ABCE1: variants seen among roughly 807,000 people sequenced by gnomAD.
ABCE1 encodes ATP binding cassette subfamily E member 1, also known as ATP-binding cassette sub-family E member 1.
A neutral mutation model predicts 83.4 loss-of-function variants in ABCE1; 22 were observed. The ratio of observed to expected loss-of-function variants is 0.26; its 90% CI spans 0.19 to 0.38. ABCE1 has a LOEUF of 0.38. ABCE1 is among the 10% of genes least tolerant of loss of function. ABCE1 has a pLI of 1.00. For synonymous variants in ABCE1, 204 were observed against 233.7 expected (o/e 0.87, Z 1.16); for missense variants, 330 against 721.9 (o/e 0.46, Z 6.22).
At chr4:145,116,519 G>A (rs1404350769) in intron 9 of ABCE1, among the ~76,000 whole-genome samples, 1 of 151,894 alleles carries the variant, frequency 6.6e-6, no homozygotes, top group Non-Finnish European at 1.5e-5. Flanking sequence ...ATTTGTGTAG[G>A]AAGCTGATAC....
chr4:145,103,582 A>G (rs902377814), intron 1 of ABCE1, among the ~76,000 whole-genome samples: 2 of 152,226 alleles, frequency 1.3e-5, no homozygotes, highest in African/African-American at 4.8e-5. Context: ...CATTGCTATT[A>G]TGATTATTTG....
intron 1 of ABCE1, among the ~76,000 whole-genome samples, chr4:145,103,271 T>C (rs563379690): frequency 2.0e-5 from 3 of 152,296 alleles, no homozygotes; most frequent in African/African-American, 7.2e-5. Context: ...AAATCAAGAT[T>C]GATTATCACA....
In ABCE1 at chr4:145,108,130, G is replaced by A; in HGVS notation, c.287+18G>A. On this transcript the variant is annotated intron_variant, in intron 4 of 17. Transcript: ENST00000296577. ...CTTCACAGGTATATTTTCACATCAG[G>A]ATTCCTCTTCTGTCAAGTTAAGAGT... 1 of 1,599,790 alleles carries A rather than the reference G, an allele frequency of 6.3e-7. No individual in the cohort carries two copies. Among genetic ancestry groups the A allele is most frequent in the Non-Finnish European group, 8.6e-7 (1 of 1,168,242 alleles).
chr4:145,113,749 A>G (rs769348072), intron 9 of ABCE1, among the ~76,000 whole-genome samples: 13 of 152,172 alleles, frequency 8.5e-5, no homozygotes, highest in Non-Finnish European at 1.3e-4. Flanking sequence ...CAATAGGTAG[A>G]TGTTCAGAAA....
At chr4:145,110,472 A>G (rs750420672) in intron 7 of ABCE1, 28 bp downstream of exon 7, 2 of 1,592,450 alleles carry the variant, frequency 1.3e-6, no homozygotes, top group African/African-American at 1.3e-5. Context: ...GTTTGTGTGA[A>G]TATATATTTA....
rs769944412 is a variant in ABCE1 at position 145,120,141 on chromosome 4, C to A, written c.1132C>A (p.Leu378Met). The A allele has an allele frequency of 6.2e-7, 1 of 1,601,664 alleles. No individual in the cohort carries two copies. Among genetic ancestry groups the A allele is most frequent in the South Asian group, 1.1e-5 (1 of 87,838 alleles). The change falls in exon 11 of 18, where the codon CTG (leucine) becomes ATG (methionine). Residue 378 changes from leucine (L) to methionine (M), a missense_variant. Coordinates refer to ENST00000296577, the MANE Select transcript of ABCE1 (RefSeq NM_002940.3). ...TACAGATTCTGAAATTATGGTGATG[C>A]TGGGGGAAAATGGTAAGTTTTCTGT... Reference protein sequence around the residue: ...EFTDSEIMVMLGENGTGKTTF... With the variant: ...EFTDSEIMVMMGENGTGKTTF...
At chr4:145,107,472 T>C (rs887368121) in intron 3 of ABCE1, among the ~76,000 whole-genome samples, 1 of 152,172 alleles carries the variant, frequency 6.6e-6, no homozygotes, top group Non-Finnish European at 1.5e-5. Context: ...CCTCATCTAA[T>C]ATGTTTTAAC....
At chr4:145,109,875 A>G (rs571999003) in intron 5 of ABCE1, among the ~76,000 whole-genome samples, 30 of 152,286 alleles carry the variant, frequency 2.0e-4, no homozygotes, top group South Asian at 1.9e-3. Flanking sequence ...ATGCCCTTCT[A>G]TGTCCTAGGT....
Position 145,122,759 on chromosome 4 carries a change from C to G in ABCE1, c.1264-262C>G, listed in dbSNP as rs539271239. On this transcript the variant is annotated intron_variant, in intron 13 of 17. Coordinates refer to ENST00000296577, the MANE Select transcript of ABCE1 (RefSeq NM_002940.3). The stretch of plus-strand genomic sequence containing the variant: ...TTGGGAGGTTGATGCTGCAGTGAGC[C>G]CTGATCATGCCATTGCACACCTGGG... The G allele has an allele frequency of 1.7e-3, 464 of 280,260 alleles. 4 individuals carry two copies. Among genetic ancestry groups the G allele is most frequent in the Non-Finnish European group, 1.8e-3 (262 of 149,660 alleles). 17.4% of individuals were successfully genotyped at this position (280,260 alleles called of 1,614,324 possible).
At chr4:145,114,902 C>T (rs13148405) in intron 9 of ABCE1, among the ~76,000 whole-genome samples, 2 of 151,898 alleles carry the variant, frequency 1.3e-5, no homozygotes, top group Non-Finnish European at 2.9e-5. Context: ...TATCTCCATT[C>T]TGAAATTTGA....
chr4:145,124,973 T>A lies in ABCE1; in HGVS notation c.1641-17T>A. 6.5e-7 allele frequency: 1 copy of A among 1,536,548 alleles called. No homozygotes were observed. The highest frequency in any genetic ancestry group is 1.4e-5 in the African/African-American group (1 of 72,124). ...GAAGTAAAATTTAATCAAAATTGAT[T>A]TTTTTTTTTCTCTTAGTCCTCAAAC... is the stretch of plus-strand genomic sequence containing the variant. On this transcript the variant is annotated splice_polypyrimidine_tract_variant and intron_variant, in intron 16 of 17. Transcript: ENST00000296577.
chr4:145,110,198 C>A lies in ABCE1; in HGVS notation c.501C>A (p.Ile167=). The A allele has an allele frequency of 6.2e-7, 1 of 1,606,872 alleles. No homozygotes were observed. Among genetic ancestry groups the A allele is most frequent in the South Asian group, 1.1e-5 (1 of 88,840 alleles). The change falls in exon 6 of 18, where the codon ATC becomes ATA. Residue 167 remains isoleucine (I), a synonymous_variant. Coordinates refer to ENST00000296577, the MANE Select transcript of ABCE1 (RefSeq NM_002940.3). ...TKILEDDLKA[I]IKPQYVDQIP... is the part of the protein sequence containing the mutation. ...TTCTAGAAGATGACCTAAAAGCCAT[C>A]ATCAAACCTCAATATGTAGACCAGA... is the stretch of plus-strand genomic sequence containing the variant.
chr4:145,099,443 AGT>A (rs1749050262), intron 1 of ABCE1, among the ~76,000 whole-genome samples: 2 of 152,196 alleles, frequency 1.3e-5, no homozygotes, highest in African/African-American at 4.8e-5. Flanking sequence ...ATACTTTGTT[AGT>A]GTAACCAAAG....
intron 9 of ABCE1, among the ~76,000 whole-genome samples, chr4:145,113,234 A>T (rs1370534234): frequency 6.6e-6 from 1 of 152,194 alleles, no homozygotes; most frequent in Non-Finnish European, 1.5e-5. Flanking sequence ...CTGCTTTCTC[A>T]CTGAAAGGGC....
intron 3 of ABCE1, among the ~76,000 whole-genome samples, chr4:145,106,305 C>T (rs1749299973): frequency 6.6e-6 from 1 of 151,966 alleles, no homozygotes; most frequent in Non-Finnish European, 1.5e-5. Flanking sequence ...AATTCAGATA[C>T]CACACTATTG....
In ABCE1 at chr4:145,109,290, GT is replaced by G. The variant is rs750892477; in HGVS notation, c.405+45del. On this transcript the variant is annotated intron_variant, in intron 5 of 17. Transcript: ENST00000296577. ...TTGTAAAAATTAATATCATGAGTCA[GT>G]TTTATGAGATTTTGGGGGGATGATA... 8 of 1,229,486 alleles carry G rather than the reference GT, an allele frequency of 6.5e-6. No individual in the cohort carries two copies. The African/African-American group carries it at 1.2e-4, about 19-fold the overall frequency. 76.2% of individuals were successfully genotyped at this position (1,229,486 alleles called of 1,614,324 possible).
chr4:145,109,063 A>T (rs1749389654), intron 4 of ABCE1, 69 bp from the exon 5 acceptor site: 1 of 1,083,178 alleles, frequency 9.2e-7, no homozygotes, highest in Admixed American at 2.0e-5. Flanking sequence ...AAAATATATC[A>T]TTCTGATGTT....
At chr4:145,117,519 C>T (rs989671388) in intron 10 of ABCE1, 105 bp downstream of exon 10, 1 of 1,037,782 alleles carries the variant, frequency 9.6e-7, no homozygotes, top group Admixed American at 2.6e-5. Context: ...TGATATCATC[C>T]AAAACTCTAG....
chr4:145,105,222 C>T lies in ABCE1; in HGVS notation c.104-383C>T, dbSNP rs542592265. On this transcript the variant is annotated intron_variant, in intron 2 of 17. Coordinates refer to ENST00000296577, the MANE Select transcript of ABCE1 (RefSeq NM_002940.3). ...ACTGATCTAGCTACAATAGTTCATT[C>T]GTTTAATGCTCTGCCTTACCATTTT... Among the ~76,000 whole-genome samples, 140 of 152,058 alleles carry T rather than the reference C, an allele frequency of 9.2e-4. No homozygotes were observed. In the South Asian group the frequency reaches 0.026, roughly 28 times the overall value.
Sources: gnomAD v4.1 joint callset for allele counts (sites outside exome capture counted in the v4.1 genomes callset) on GRCh38, gnomAD v4.1.1 for gene constraint, MANE v1.5 for transcripts, NCBI Gene and HGNC (gene_info 2026-07-23, HGNC 2026-07-21) for gene names.